Variants in SLC5A6 observed in about 807,000 individuals in gnomAD.
The protein encoded by SLC5A6 is solute carrier family 5 member 6.
In SLC5A6, 31 loss-of-function variants were observed where a neutral mutation model predicts 67.9. The observed-to-expected ratio is 0.46, with a 90% CI of 0.34 to 0.62. The LOEUF (loss-of-function observed/expected upper bound fraction) is 0.62, where lower values mean the gene tolerates loss of function less well. Ranked by LOEUF, SLC5A6 falls within the 20% of genes least tolerant of loss-of-function variation. The pLI is 0.01. For synonymous variants in SLC5A6, 343 were observed against 331.0 expected (o/e 1.04, Z -0.39); for missense variants, 673 against 812.8 (o/e 0.83, Z 2.09).
chr2:27,209,622 T>C (rs1674319195), intron 2 of SLC5A6, among the ~76,000 whole-genome samples: 1 of 152,182 alleles, frequency 6.6e-6, no homozygotes, highest in Non-Finnish European at 1.5e-5. Context: ...GAGCAGAGTG[T>C]TGCAGTCAGT....
chr2:27,201,875 C>T (rs200343959), intron 13 of SLC5A6, 28 bp from the exon 14 acceptor site: 90 of 1,612,422 alleles, frequency 5.6e-5, no homozygotes, highest in Admixed American at 3.3e-5. Context: ...AGGCCTGTCA[C>T]AAGGCCAGTC....
chr2:27,211,019 G>C (rs566109254), intron 2 of SLC5A6, among the ~76,000 whole-genome samples: 1 of 152,198 alleles, frequency 6.6e-6, no homozygotes, highest in Admixed American at 6.5e-5. Context: ...GCGAGACTCC[G>C]TCTCAAAATA....
intron 16 of SLC5A6, among the ~76,000 whole-genome samples, 165 bp downstream of exon 16, chr2:27,200,833 C>A (rs1673568661): frequency 6.6e-6 from 1 of 152,200 alleles, no homozygotes; most frequent in Non-Finnish European, 1.5e-5. Flanking sequence ...CCAGTGCAGT[C>A]CTGTGGGTAG....
chr2:27,209,338 C>T (rs1409961009), intron 2 of SLC5A6, among the ~76,000 whole-genome samples: 2 of 152,198 alleles, frequency 1.3e-5, no homozygotes, highest in East Asian at 3.8e-4. Context: ...CGACAGTTAA[C>T]ATTTGCTGAA....
chr2:27,212,734 G>T, upstream of SLC5A6: 1 of 1,059,840 alleles, frequency 9.4e-7, no homozygotes, highest in Non-Finnish European at 1.3e-6. Flanking sequence ...CTACAGACGG[G>T]TCCTCTGCCT....
rs770116910 is a variant in SLC5A6, at chr2:27,207,389, C to T, written c.262G>A (p.Val88Met). The change falls in exon 3 of 17, where the codon GTG becomes ATG. Residue 88 changes from valine to methionine, a missense_variant. Coordinates refer to ENST00000310574, the MANE Select transcript of SLC5A6 (RefSeq NM_021095.4). This position sits in a 1 kb window ranked among gnomAD's most constrained non-coding sequence, Gnocchi z 5.5. ...TFQSAVAILG[V>M]PSEIYRFGTQ... is the part of the protein sequence containing the mutation. ...CCAAATCGGTAGATCTCTGACGGCA[C>T]ACCCAGGATGGCCACGGCTGACTGG... The T allele has an allele frequency of 6.2e-7, 1 of 1,614,204 alleles. No individual in the cohort carries two copies. The highest frequency in any genetic ancestry group is 8.5e-7 in the Non-Finnish European group (1 of 1,180,044).
At chr2:27,211,843 G>A (rs935608171) in intron 1 of SLC5A6, 177 bp downstream of exon 1, 8 of 159,556 alleles carry the variant, frequency 5.0e-5, no homozygotes, top group African/African-American at 1.4e-4. Context: ...TCCCCGCCCC[G>A]GCTCAGACGC....
At chr2:27,202,997 C>A in intron 11 of SLC5A6, 117 bp from the exon 12 acceptor site, 1 of 1,543,422 alleles carries the variant, frequency 6.5e-7, no homozygotes, top group East Asian at 2.3e-5. Context: ...AAACAAAAGG[C>A]ATATTACATC....
intron 15 of SLC5A6, 46 bp downstream of exon 15, chr2:27,201,304 T>C (rs767090307): frequency 1.1e-5 from 14 of 1,325,442 alleles, no homozygotes; most frequent in Non-Finnish European, 1.5e-5. Context: ...TAGGGCCCTC[T>C]GTTAACCCCT....
intron 15 of SLC5A6, 84 bp downstream of exon 15, chr2:27,201,266 G>A (rs1341790810): frequency 1.7e-5 from 18 of 1,041,482 alleles, no homozygotes; most frequent in Non-Finnish European, 8.8e-6. Context: ...GAGCTCAGAG[G>A]GCAGGAGCCT....
Position 27,207,756 on chromosome 2 carries a change from GT to G in SLC5A6, c.-107del. On this transcript the variant is annotated 5_prime_UTR_variant, in exon 3 of 17. Coordinates refer to ENST00000310574, the MANE Select transcript of SLC5A6 (RefSeq NM_021095.4). The surrounding 1 kb of genome is among the most constrained non-coding windows in gnomAD (Gnocchi z 5.5). ...TCTGGCTTCCAGCCACAGTCTCACAGTCTTCCTCCACGGAGTGATACTGTCC... is the reference window on the plus strand; with the variant it reads ...TCTGGCTTCCAGCCACAGTCTCACAGCTTCCTCCACGGAGTGATACTGTCC... 1 of 1,062,088 alleles carries G rather than the reference GT, an allele frequency of 9.4e-7. No individual in the cohort carries two copies. Among genetic ancestry groups the G allele is most frequent in the Non-Finnish European group, 1.4e-6 (1 of 723,734 alleles). 65.8% of individuals were successfully genotyped at this position (1,062,088 alleles called of 1,614,324 possible).
chr2:27,204,938 C>T lies in SLC5A6; in HGVS notation c.735-7G>A. The T allele has an allele frequency of 6.2e-7, 1 of 1,612,100 alleles. No individual in the cohort carries two copies. Among genetic ancestry groups the T allele is most frequent in the Non-Finnish European group, 8.5e-7 (1 of 1,180,000 alleles). On this transcript the variant is annotated splice_region_variant and splice_polypyrimidine_tract_variant and intron_variant, in intron 7 of 16. Coordinates refer to ENST00000310574, the MANE Select transcript of SLC5A6 (RefSeq NM_021095.4). Reference sequence around the variant, plus strand: ...AAAGGGGTCTGGATCCAGCCTGTAACAGACACCACCCAGTCATTGTGCAAA... The same window carrying T: ...AAAGGGGTCTGGATCCAGCCTGTAATAGACACCACCCAGTCATTGTGCAAA...
At chr2:27,204,353 T>A in intron 9 of SLC5A6, 108 bp downstream of exon 9, 21 of 1,246,412 alleles carry the variant, frequency 1.7e-5, no homozygotes, top group Non-Finnish European at 2.3e-5. Flanking sequence ...TTTACAACCG[T>A]CTCCCACCCA....
intron 6 of SLC5A6, 50 bp downstream of exon 6, chr2:27,205,976 C>T: frequency 7.3e-7 from 1 of 1,363,504 alleles, no homozygotes; most frequent in Non-Finnish European, 1.0e-6. Flanking sequence ...CCCATGTCCC[C>T]TCCTTACTTC....
Position 27,202,834 on chromosome 2 carries a change from G to T in SLC5A6, c.1254C>A (p.Ser418=), listed in dbSNP as rs763709222. Residue 418 remains serine (S), a synonymous_variant, in exon 12 of 17, where the codon TCC becomes TCA. Transcript: ENST00000310574. ...TTACCTGCAGCACAGGTCCCATCTG[G>T]GAGGAAATATAGGCCATTCCTAGAC... is the stretch of plus-strand genomic sequence containing the variant. ...LLCLGMAYIS[S]QMGPVLQAAI... 6 of 1,613,976 alleles carry T rather than the reference G, an allele frequency of 3.7e-6. No individual in the cohort carries two copies. Among genetic ancestry groups the T allele is most frequent in the Non-Finnish European group, 5.1e-6 (6 of 1,179,908 alleles).
intron 2 of SLC5A6, among the ~76,000 whole-genome samples, chr2:27,210,584 C>T (rs1426312323): frequency 6.6e-6 from 1 of 151,916 alleles, no homozygotes; most frequent in African/African-American, 2.4e-5. Context: ...GCATGTGCTA[C>T]CGCGCCCAGC....
chr2:27,211,899 C>T (rs932185025), intron 1 of SLC5A6, 121 bp downstream of exon 1: 5 of 350,870 alleles, frequency 1.4e-5, no homozygotes, highest in Admixed American at 5.4e-5. Context: ...TCCAGGCCCA[C>T]CTGCCCGGTC....
intron 11 of SLC5A6, 130 bp downstream of exon 11, chr2:27,203,103 A>G: frequency 6.6e-7 from 1 of 1,521,016 alleles, no homozygotes; most frequent in Non-Finnish European, 8.8e-7. Context: ...GCATGCAGGG[A>G]AGGTTGTGTG....
intron 16 of SLC5A6, 59 bp from the exon 17 acceptor site, chr2:27,200,638 G>A: frequency 6.5e-7 from 1 of 1,545,488 alleles, no homozygotes; most frequent in East Asian, 2.3e-5. Context: ...GTGCTTGACA[G>A]GATTCACACA....
Sources: gnomAD v4.1 joint callset for allele counts (sites outside exome capture counted in the v4.1 genomes callset) on GRCh38, gnomAD v4.1.1 for gene constraint, Gnocchi (gnomAD v3.1) non-coding constraint, MANE v1.5 for transcripts, NCBI Gene and HGNC (gene_info 2026-07-23, HGNC 2026-07-21) for gene names.